CA12: variants seen among roughly 807,000 people sequenced by gnomAD.
CA12 encodes the protein carbonic anhydrase 12.
In CA12, 36 loss-of-function variants were observed where a neutral mutation model predicts 46.8. The ratio of observed to expected loss-of-function variants is 0.77; its 90% CI spans 0.59 to 1.02. The LOEUF is 1.02. Among genes scored for constraint, CA12 ranks in the 50% least tolerant of loss-of-function variants. CA12 has a pLI of 0.00. For missense variants in CA12, 436 were observed against 451.4 expected, an observed-to-expected ratio of 0.97 and a Z score of 0.31; for synonymous variants, 202 against 187.0, an observed-to-expected ratio of 1.08 and a Z score of -0.65.
chr15:63,343,800 C>T (rs1201837156), intron 4 of CA12, among the ~76,000 whole-genome samples: 1 of 152,188 alleles, frequency 6.6e-6, no homozygotes, highest in Non-Finnish European at 1.5e-5. Context: ...TACACCCTAA[C>T]CTCCTTTGTG....
In CA12 at chr15:63,338,869, CG is replaced by C. The variant is rs1567043267; in HGVS notation, c.823del (p.Arg275GlyfsTer26). ...PSPREMINNFRQVQKFDERLV... is the reference protein window; with the variant it reads ...PSPREMINNFXQVQKFDERLV... ...CCTCTCATCGAACTTCTGGACCTGC[CG>C]GAAGTTGTTGATCATTTCTCTGGGG... On this transcript the variant is annotated frameshift_variant, in exon 8 of 11. Coordinates refer to ENST00000178638, the MANE Select transcript of CA12 (RefSeq NM_001218.5). LOFTEE classifies it high-confidence loss of function. The C allele has an allele frequency of 1.2e-6, 2 of 1,614,146 alleles. No homozygotes were observed. The highest frequency in any genetic ancestry group is 1.7e-6 in the Non-Finnish European group (2 of 1,180,022).
chr15:63,350,949 G>C (rs2039220965), intron 2 of CA12, among the ~76,000 whole-genome samples: 1 of 152,012 alleles, frequency 6.6e-6, no homozygotes, highest in South Asian at 2.1e-4. Flanking sequence ...TAAAACATAA[G>C]GGCTCTTAAA....
rs1387198513 is a variant in CA12 at position 63,374,578 on chromosome 15, A to T, written c.106+1080T>A. Among the ~76,000 whole-genome samples, 1 of 152,212 alleles carries T rather than the reference A, an allele frequency of 6.6e-6. No homozygotes were observed. Among genetic ancestry groups the T allele is most frequent in the Non-Finnish European group, 1.5e-5 (1 of 68,034 alleles). On this transcript the variant is annotated intron_variant, in intron 2 of 10. Coordinates refer to ENST00000178638, the MANE Select transcript of CA12 (RefSeq NM_001218.5). This position sits in a 1 kb window ranked among gnomAD's most constrained non-coding sequence, Gnocchi z 4.4. Reference sequence around the variant, plus strand: ...ACATAATCAGTACATAAGGGATGTTAGCAATAACGGAGCCGTGCAGTGCTG... The same window carrying T: ...ACATAATCAGTACATAAGGGATGTTTGCAATAACGGAGCCGTGCAGTGCTG...
In CA12 at chr15:63,323,552, T is replaced by C. The variant is rs952922327; in HGVS notation, c.*2733A>G. 1 of 152,504 alleles carries C rather than the reference T, an allele frequency of 6.6e-6. No individual in the cohort carries two copies. Among genetic ancestry groups the C allele is most frequent in the African/African-American group, 2.4e-5 (1 of 41,382 alleles). 9.4% of individuals were successfully genotyped at this position (152,504 alleles called of 1,614,324 possible). A position where few individuals can be genotyped will look rare whatever the true frequency, so the allele number is the denominator to read the frequency against. The stretch of plus-strand genomic sequence containing the variant: ...AGCCTGATGTGAAAAACATTTATAA[T>C]TTCTTGTAGTTACAGTGTGTATCTT... On this transcript the variant is annotated 3_prime_UTR_variant, in exon 11 of 11. Transcript: ENST00000178638. This position sits in a 1 kb window ranked among gnomAD's most constrained non-coding sequence, Gnocchi z 5.1.
At chr15:63,347,145 G>T (rs1359549571) in intron 2 of CA12, among the ~76,000 whole-genome samples, 5 of 152,230 alleles carry the variant, frequency 3.3e-5, no homozygotes, top group Admixed American at 3.3e-4. Context: ...GAAGAATTTA[G>T]CAAATCTGCG....
At chr15:63,370,772 C>CA (rs1181667166) in intron 2 of CA12, among the ~76,000 whole-genome samples, 4,885 of 133,220 alleles carry the variant, frequency 0.037, 242 homozygotes, top group African/African-American at 0.12. Flanking sequence ...GACTCCATCT[C>CA]AAAAAAAAAA....
intron 2 of CA12, among the ~76,000 whole-genome samples, chr15:63,364,452 T>C (rs148519157): frequency 6.8e-6 from 1 of 147,414 alleles, no homozygotes; most frequent in East Asian, 2.1e-4. Flanking sequence ...TGTGAGTAAC[T>C]CAGAAACCAG....
rs2039523165 is a variant in CA12 at position 63,372,748 on chromosome 15, C to T, written c.106+2910G>A. Among the ~76,000 whole-genome samples, 1 of 152,202 alleles carries T rather than the reference C, an allele frequency of 6.6e-6. No individual in the cohort carries two copies. The highest frequency in any genetic ancestry group is 6.5e-5 in the Admixed American group (1 of 15,284). ...GGACCTAAGGAGGAGCTAGCCAAGACCTCAGGAGGAGTTTGCCTCCTTAGC... is the reference window on the plus strand; with the variant it reads ...GGACCTAAGGAGGAGCTAGCCAAGATCTCAGGAGGAGTTTGCCTCCTTAGC... On this transcript the variant is annotated intron_variant, in intron 2 of 10. Transcript: ENST00000178638. This position sits in a 1 kb window ranked among gnomAD's most constrained non-coding sequence, Gnocchi z 4.5.
chr15:63,381,646 G>C lies in CA12; in HGVS notation c.75C>G (p.Ala25=). The change falls in exon 1 of 11, where the codon GCC becomes GCG. Residue 25 remains alanine (A), a synonymous_variant. Coordinates refer to ENST00000178638, the MANE Select transcript of CA12 (RefSeq NM_001218.5). ...AGGCGGAAACTTTACCGTTCACTGG[G>C]GCCGGGCTGGAAGGCTGTTCCTTTA... is the stretch of plus-strand genomic sequence containing the variant. ...VILKEQPSSP[A]PVNGSKWTYF... 1 of 1,611,370 alleles carries C rather than the reference G, an allele frequency of 6.2e-7. No individual in the cohort carries two copies. The highest frequency in any genetic ancestry group is 8.5e-7 in the Non-Finnish European group (1 of 1,178,830).
chr15:63,341,274 C>G lies in CA12; in HGVS notation c.526-491G>C, dbSNP rs990480370. Among the ~76,000 whole-genome samples the G allele has an allele frequency of 1.3e-5, 2 of 152,168 alleles. No individual in the cohort carries two copies. The highest frequency in any genetic ancestry group is 4.8e-5 in the African/African-American group (2 of 41,440). On this transcript the variant is annotated intron_variant, in intron 5 of 10. Coordinates refer to ENST00000178638, the MANE Select transcript of CA12 (RefSeq NM_001218.5). The surrounding 1 kb of genome is among the most constrained non-coding windows in gnomAD (Gnocchi z 5.2). The stretch of plus-strand genomic sequence containing the variant: ...TACATATAGAGCAGGGGTGCCCAGC[C>G]CCCAGGCTGTGGACCAGTACCGGTC...
chr15:63,351,030 T>A (rs1315709266), intron 2 of CA12, among the ~76,000 whole-genome samples: 1 of 152,242 alleles, frequency 6.6e-6, no homozygotes, highest in African/African-American at 2.4e-5. Flanking sequence ...CAATTAGAAT[T>A]CAAATTTTTC....
chr15:63,372,831 A>G lies in CA12; in HGVS notation c.106+2827T>C, dbSNP rs752535733. Reference sequence around the variant, plus strand: ...TCTGAGGGCTGACTCCACATCACACATGCCCATGTCACTAATAAAAACCAG... The same window carrying G: ...TCTGAGGGCTGACTCCACATCACACGTGCCCATGTCACTAATAAAAACCAG... On this transcript the variant is annotated intron_variant, in intron 2 of 10. Coordinates refer to ENST00000178638, the MANE Select transcript of CA12 (RefSeq NM_001218.5). This position sits in a 1 kb window ranked among gnomAD's most constrained non-coding sequence, Gnocchi z 4.5. 1.3e-5 allele frequency among the ~76,000 whole-genome samples: 2 copies of G among 152,168 alleles called. No individual in the cohort carries two copies. The highest frequency in any genetic ancestry group is 2.4e-5 in the African/African-American group (1 of 41,420).
At chr15:63,334,439 TAGAG>T (rs2038974091) in intron 8 of CA12, among the ~76,000 whole-genome samples, 1 of 149,928 alleles carries the variant, frequency 6.7e-6, no homozygotes, top group African/African-American at 2.5e-5. Context: ...TTTTTTTAAG[TAGAG>T]AGGGGGTTTC....
intron 2 of CA12, among the ~76,000 whole-genome samples, chr15:63,354,839 C>A (rs558405539): frequency 4.9e-4 from 74 of 152,270 alleles, no homozygotes; most frequent in African/African-American, 1.7e-3. Context: ...CAGCCCTCCA[C>A]CCACCCTCAG....
chr15:63,346,748 C>T (rs748308866), intron 2 of CA12, 39 bp from the exon 3 acceptor site: 4 of 1,603,112 alleles, frequency 2.5e-6, no homozygotes, highest in Non-Finnish European at 3.4e-6. Context: ...TAGAGTTTCT[C>T]ACAAAGGGAT....
In CA12 at chr15:63,378,548, G is replaced by A. The variant is rs1349957483; in HGVS notation, c.86-2870C>T. 6.6e-6 allele frequency among the ~76,000 whole-genome samples: 1 copy of A among 152,102 alleles called. No homozygotes were observed. Among genetic ancestry groups the A allele is most frequent in the Admixed American group, 6.5e-5 (1 of 15,284 alleles). Reference sequence around the variant, plus strand: ...GTAATTAGACATTCAGAACCACGGGGAAACCAAACTTGTATGTGACCCCCA... The same window carrying A: ...GTAATTAGACATTCAGAACCACGGGAAAACCAAACTTGTATGTGACCCCCA... On this transcript the variant is annotated intron_variant, in intron 1 of 10. Coordinates refer to ENST00000178638, the MANE Select transcript of CA12 (RefSeq NM_001218.5). The surrounding 1 kb of genome is among the most constrained non-coding windows in gnomAD (Gnocchi z 4.8).
chr15:63,342,775 C>G (rs759893331), intron 4 of CA12, among the ~76,000 whole-genome samples: 1 of 152,178 alleles, frequency 6.6e-6, no homozygotes, highest in Non-Finnish European at 1.5e-5. Flanking sequence ...TTGGTTTACA[C>G]AACCCATGCA....
At chr15:63,354,734 G>A (rs1045679213) in intron 2 of CA12, among the ~76,000 whole-genome samples, 1 of 152,166 alleles carries the variant, frequency 6.6e-6, no homozygotes, top group Non-Finnish European at 1.5e-5. Flanking sequence ...CACAGAGAGA[G>A]ATGGGAATCA....
chr15:63,381,644 G>A lies in CA12; in HGVS notation c.77C>T (p.Pro26Leu). ...ILKEQPSSPA[P>L]VNGSKWTYFG... ...GCAGGCGGAAACTTTACCGTTCACTGGGGCCGGGCTGGAAGGCTGTTCCTT... is the reference window on the plus strand; with the variant it reads ...GCAGGCGGAAACTTTACCGTTCACTAGGGCCGGGCTGGAAGGCTGTTCCTT... Residue 26 changes from proline to leucine, a missense_variant, in exon 1 of 11, where the codon CCA becomes CTA. Transcript: ENST00000178638. 2.0e-5 allele frequency: 32 copies of A among 1,611,140 alleles called. No individual in the cohort carries two copies. Among genetic ancestry groups the A allele is most frequent in the Non-Finnish European group, 2.6e-5 (31 of 1,178,690 alleles).
Sources: gnomAD v4.1 joint callset for allele counts (sites outside exome capture counted in the v4.1 genomes callset) on GRCh38, gnomAD v4.1.1 for gene constraint, Gnocchi (gnomAD v3.1) non-coding constraint, MANE v1.5 for transcripts, NCBI Gene and HGNC (gene_info 2026-07-23, HGNC 2026-07-21) for gene names.